Variants in ADAM32 observed in about 807,000 individuals in gnomAD.
ADAM32 encodes ADAM metallopeptidase domain 32, also known as disintegrin and metalloproteinase domain-containing protein 32.
In ADAM32, 89 loss-of-function variants were observed where a neutral mutation model predicts 114.9. The observed-to-expected ratio is 0.77, with a 90% CI of 0.65 to 0.92. ADAM32 has a LOEUF of 0.92. Among genes scored for constraint, ADAM32 ranks in the 40% least tolerant of loss-of-function variants. ADAM32 has a pLI of 0.00. For missense variants in ADAM32, 870 were observed against 932.8 expected (o/e 0.93, Z 0.88); for synonymous variants, 285 against 307.5 (o/e 0.93, Z 0.77).
At position 39,161,423 on chromosome 8, in the gene ADAM32, G is replaced by A. The variant is rs577753975; in HGVS notation, c.594+458G>A. On this transcript the variant is annotated intron_variant, in intron 7 of 24. Transcript: ENST00000379907. The stretch of plus-strand genomic sequence containing the variant: ...AGAAGTTTTTTAGCAGTTTTTGGTG[G>A]GGCACCCATTCTAGTCCATTGTTTA... 7.2e-4 allele frequency among the ~76,000 whole-genome samples: 109 copies of A among 152,170 alleles called. 1 individual carries two copies. The highest frequency in any genetic ancestry group is 2.6e-3 in the African/African-American group (106 of 41,528).
chr8:39,178,040 T>C (rs969750718), intron 10 of ADAM32, among the ~76,000 whole-genome samples: 2 of 152,146 alleles, frequency 1.3e-5, no homozygotes, highest in African/African-American at 4.8e-5. Flanking sequence ...TTCTCTGGGT[T>C]TCCTGAATTT....
At chr8:39,242,276 C>T (rs370963334) in intron 16 of ADAM32, among the ~76,000 whole-genome samples, 8 of 152,286 alleles carry the variant, frequency 5.3e-5, no homozygotes, top group African/African-American at 1.7e-4. Context: ...TCTTCTGAGC[C>T]CTCCAAACTG....
intron 11 of ADAM32, among the ~76,000 whole-genome samples, chr8:39,192,217 T>A (rs910871531): frequency 6.6e-6 from 1 of 152,358 alleles, no homozygotes; most frequent in East Asian, 1.9e-4. Context: ...TGCATTTCTG[T>A]GGGGTCAGTG....
At chr8:39,113,982 A>G (rs1840272207) in intron 1 of ADAM32, among the ~76,000 whole-genome samples, 1 of 139,110 alleles carries the variant, frequency 7.2e-6, no homozygotes, top group Admixed American at 7.2e-5. Flanking sequence ...CAACAAATCA[A>G]CACATTGGAA....
intron 4 of ADAM32, among the ~76,000 whole-genome samples, chr8:39,148,095 A>G (rs1283086823): frequency 1.3e-5 from 2 of 152,120 alleles, no homozygotes; most frequent in Non-Finnish European, 2.9e-5. Flanking sequence ...AGTTCTCAAC[A>G]TGGTGACCAT....
chr8:39,207,270 T>C (rs1266058473), intron 11 of ADAM32, among the ~76,000 whole-genome samples: 1 of 152,168 alleles, frequency 6.6e-6, no homozygotes, highest in African/African-American at 2.4e-5. Context: ...GCTCTTTTGG[T>C]CTTTTTTGTG....
intron 6 of ADAM32, among the ~76,000 whole-genome samples, chr8:39,153,070 A>G (rs1319671164): frequency 2.0e-5 from 3 of 152,208 alleles, no homozygotes; most frequent in African/African-American, 7.2e-5. Context: ...TGGAACTACC[A>G]TACCTCTTCA....
intron 7 of ADAM32, among the ~76,000 whole-genome samples, chr8:39,163,120 A>G (rs1437303534): frequency 6.6e-6 from 1 of 152,236 alleles, no homozygotes; most frequent in Non-Finnish European, 1.5e-5. Flanking sequence ...TAGAAAGCAT[A>G]TGGTTCTATA....
chr8:39,197,986 T>C (rs1807123773), intron 11 of ADAM32, among the ~76,000 whole-genome samples: 1 of 152,170 alleles, frequency 6.6e-6, no homozygotes, highest in Admixed American at 6.5e-5. Flanking sequence ...TTGTTTTATA[T>C]ATCTGGGTGC....
intron 2 of ADAM32, among the ~76,000 whole-genome samples, chr8:39,124,264 G>A (rs1046016153): frequency 1.3e-5 from 2 of 152,084 alleles, no homozygotes; most frequent in Non-Finnish European, 2.9e-5. Flanking sequence ...TTATAAGTGA[G>A]AATGGGCAGT....
At chr8:39,173,487 G>C (rs1444003812) in intron 10 of ADAM32, among the ~76,000 whole-genome samples, 4 of 151,230 alleles carry the variant, frequency 2.6e-5, no homozygotes, top group African/African-American at 9.7e-5. Flanking sequence ...AGAAGTGTCT[G>C]TTCATGTCCT....
At chr8:39,112,969 C>A (rs574733877) in intron 1 of ADAM32, among the ~76,000 whole-genome samples, 3 of 152,212 alleles carry the variant, frequency 2.0e-5, no homozygotes, top group Non-Finnish European at 4.4e-5. Flanking sequence ...CTTTGTCATT[C>A]CTCCCATTGA....
At chr8:39,129,829 G>A (rs1368387588) in intron 2 of ADAM32, 1 of 322,302 alleles carries the variant, frequency 3.1e-6, no homozygotes. Context: ...TTATAATTAT[G>A]AGTGTAATCT....
chr8:39,223,055 GT>G lies in ADAM32; in HGVS notation c.1344del (p.Glu449AsnfsTer27). ...CTTCTCTTAGATTTTACAATCAGGC[GT>G]TGAATGTAGGCCGAAAGCACATCCT... ...CKDCQILQSGVECRPKAHPEC... is the reference protein window; with the variant it reads ...CKDCQILQSGXECRPKAHPEC... On this transcript the variant is annotated frameshift_variant, in exon 14 of 25. Coordinates refer to ENST00000379907, the MANE Select transcript of ADAM32 (RefSeq NM_145004.7). LOFTEE classifies it high-confidence loss of function. The G allele has an allele frequency of 1.9e-6, 3 of 1,582,046 alleles. No individual in the cohort carries two copies. The highest frequency in any genetic ancestry group is 2.6e-6 in the Non-Finnish European group (3 of 1,165,014).
chr8:39,130,954 G>GTTTTT (rs1449685094), intron 2 of ADAM32: 51 of 337,630 alleles, frequency 1.5e-4, no homozygotes, highest in Admixed American at 3.7e-4. Context: ...GCAGGAGGAT[G>GTTTTT]TCTTTTTTTT....
intron 14 of ADAM32, among the ~76,000 whole-genome samples, chr8:39,226,100 A>G (rs994876495): frequency 2.1e-4 from 32 of 152,194 alleles, no homozygotes; most frequent in African/African-American, 6.8e-4. Flanking sequence ...TAACATTAAA[A>G]TGCAATAGAT....
chr8:39,282,157 T>C (rs1406307886), intron 23 of ADAM32, among the ~76,000 whole-genome samples: 3 of 152,220 alleles, frequency 2.0e-5, no homozygotes, highest in Non-Finnish European at 4.4e-5. Flanking sequence ...GCTCAAACAC[T>C]GCAATTCTCC....
At chr8:39,147,761 T>G (rs1271880197) in intron 4 of ADAM32, among the ~76,000 whole-genome samples, 1 of 152,048 alleles carries the variant, frequency 6.6e-6, no homozygotes, top group Non-Finnish European at 1.5e-5. Flanking sequence ...TTCATTTTAT[T>G]TATTTATCCC....
At chr8:39,223,532 A>C (rs1308176909) in intron 14 of ADAM32, 1 of 169,832 alleles carries the variant, frequency 5.9e-6, no homozygotes, top group Non-Finnish European at 1.2e-5. Flanking sequence ...AATTGTATGT[A>C]TGTTTTTAGG....
Sources: gnomAD v4.1 joint callset for allele counts (sites outside exome capture counted in the v4.1 genomes callset) on GRCh38, gnomAD v4.1.1 for gene constraint, MANE v1.5 for transcripts, NCBI Gene and HGNC (gene_info 2026-07-23, HGNC 2026-07-21) for gene names.